The following RPGRIP1 variants were observed in gnomAD, a reference collection of about 807,000 sequenced individuals.
RPGRIP1 encodes X-linked retinitis pigmentosa GTPase regulator-interacting protein 1.
RPGRIP1 carries 128 observed loss-of-function variants against 157.9 expected under a neutral mutation model. That is an observed-to-expected ratio of 0.81 (90% confidence interval 0.70 to 0.94). The LOEUF is 0.94. RPGRIP1 is among the 40% of genes least tolerant of loss of function. The pLI is 0.00. For missense variants in RPGRIP1, 1,486 were observed against 1,545.8 expected, an observed-to-expected ratio of 0.96 and a Z score of 0.65; for synonymous variants, 554 against 571.6, an observed-to-expected ratio of 0.97 and a Z score of 0.44.
rs535672539 is a variant in RPGRIP1, at chr14:21,314,244, G to A, written c.1151+1738G>A. 4.1e-4 allele frequency among the ~76,000 whole-genome samples: 63 copies of A among 151,822 alleles called. 2 individuals carry two copies. In the South Asian group the frequency reaches 0.013, roughly 31 times the overall value. On this transcript the variant is annotated intron_variant, in intron 10 of 24. Coordinates refer to ENST00000400017, the MANE Select transcript of RPGRIP1 (RefSeq NM_020366.4). ...ACCACAGCCACACGCCACCACACCCGGCTAATAGTTTCTATATTGTGCAGA... is the reference window on the plus strand; with the variant it reads ...ACCACAGCCACACGCCACCACACCCAGCTAATAGTTTCTATATTGTGCAGA...
intron 12 of RPGRIP1, 73 bp from the exon 13 acceptor site, chr14:21,321,186 G>C: frequency 2.0e-6 from 3 of 1,483,868 alleles, no homozygotes; most frequent in Non-Finnish European, 2.7e-6. Context: ...ACCAACAACT[G>C]TTTTATGGAG....
chr14:21,286,447 T>G (rs189969051), intron 1 of RPGRIP1, among the ~76,000 whole-genome samples: 1 of 150,886 alleles, frequency 6.6e-6, no homozygotes, highest in South Asian at 2.1e-4. Flanking sequence ...AAATTCCTGT[T>G]GGGGAAAAGT....
At chr14:21,315,800 A>T (rs1359345354) in intron 10 of RPGRIP1, among the ~76,000 whole-genome samples, 47 of 143,904 alleles carry the variant, frequency 3.3e-4, no homozygotes, top group African/African-American at 1.0e-3. Flanking sequence ...TATTATTATT[A>T]TTATTATTTT....
chr14:21,303,709 G>A (rs772275764), intron 6 of RPGRIP1, among the ~76,000 whole-genome samples, 166 bp downstream of exon 6: 7 of 152,172 alleles, frequency 4.6e-5, no homozygotes, highest in Middle Eastern at 3.4e-3. Context: ...ATTAACCTGC[G>A]GGCACCATGG....
chr14:21,335,046 C>CAAAAAAAAAAAA (rs869065591), intron 21 of RPGRIP1, among the ~76,000 whole-genome samples: 4 of 28,052 alleles, frequency 1.4e-4, no homozygotes, highest in Admixed American at 3.8e-4. Flanking sequence ...AACTCTGTCT[C>CAAAAAAAAAAAA]AAAAAAAAAA....
At chr14:21,323,103 G>A (rs1168765403) in intron 14 of RPGRIP1, among the ~76,000 whole-genome samples, 1 of 152,100 alleles carries the variant, frequency 6.6e-6, no homozygotes, top group Non-Finnish European at 1.5e-5. Context: ...TCAGTAAGTA[G>A]GTTTCTTAGT....
chr14:21,316,562 A>G (rs1446369185), intron 10 of RPGRIP1, among the ~76,000 whole-genome samples: 1 of 150,724 alleles, frequency 6.6e-6, no homozygotes, highest in East Asian at 2.0e-4. Flanking sequence ...GATTACAGGC[A>G]CCTGCCACCA....
Position 21,324,909 on chromosome 14 carries a change from A to G in RPGRIP1, c.2054A>G (p.Glu685Gly), listed in dbSNP as rs758603764. The change falls in exon 15 of 25, where the codon GAG (glutamate) becomes GGG (glycine). Residue 685 changes from glutamate (E) to glycine (G), a missense_variant. By Grantham distance (98) the Glu-to-Gly change is moderately conservative. Transcript: ENST00000400017. ...LYDFTSQYVM[E>G]TDSLFLHYLQ... ...GACTTCACCTCCCAGTATGTGATGGAGACAGATTCGCTTTTCTTACACTAC... is the reference window on the plus strand; with the variant it reads ...GACTTCACCTCCCAGTATGTGATGGGGACAGATTCGCTTTTCTTACACTAC... The G allele has an allele frequency of 2.5e-6, 4 of 1,614,018 alleles. No individual in the cohort carries two copies. The Admixed American group carries it at 6.7e-5, about 27-fold the overall frequency.
intron 6 of RPGRIP1, among the ~76,000 whole-genome samples, chr14:21,306,054 T>G (rs572133610): frequency 6.8e-6 from 1 of 146,524 alleles, no homozygotes; most frequent in African/African-American, 2.5e-5. Flanking sequence ...CCCCAGTATC[T>G]CTTTCAATCT....
intron 4 of RPGRIP1, 57 bp from the exon 5 acceptor site, chr14:21,302,424 TTCAGTAC>T: frequency 1.2e-6 from 1 of 842,062 alleles, no homozygotes; most frequent in Non-Finnish European, 1.7e-6. Context: ...ATGTTCCAGT[TTCAGTAC>T]TTGGTGTTCC....
intron 21 of RPGRIP1, among the ~76,000 whole-genome samples, chr14:21,335,666 T>TA (rs1884280060): frequency 6.6e-6 from 1 of 152,110 alleles, no homozygotes; most frequent in African/African-American, 2.4e-5. Flanking sequence ...CCGTCTCTAC[T>TA]AAAAATACAA....
At chr14:21,283,184 A>G (rs527825263) in intron 1 of RPGRIP1, among the ~76,000 whole-genome samples, 48 of 152,328 alleles carry the variant, frequency 3.2e-4, no homozygotes, top group African/African-American at 1.1e-3. Flanking sequence ...CTTCAGGTCC[A>G]GAGGACCAAG....
chr14:21,297,672 G>A (rs1594169954), intron 3 of RPGRIP1, among the ~76,000 whole-genome samples: 3 of 152,194 alleles, frequency 2.0e-5, no homozygotes, highest in Admixed American at 2.0e-4. Flanking sequence ...CACACCAGGG[G>A]AACTAAAGGC....
At chr14:21,343,468 C>G (rs1160814862) in intron 22 of RPGRIP1, among the ~76,000 whole-genome samples, 1 of 152,068 alleles carries the variant, frequency 6.6e-6, no homozygotes, top group African/African-American at 2.4e-5. Flanking sequence ...TTCCTCAATC[C>G]ACGGCTTCCC....
rs534044244 is a variant in RPGRIP1 at position 21,341,738 on chromosome 14, C to T, written c.3340-1298C>T. Reference sequence around the variant, plus strand: ...AAAAGAAAGGACAGGGTGATGGCAGCGACTGTGAAGTGGGATTGAAAATAT... The same window carrying T: ...AAAAGAAAGGACAGGGTGATGGCAGTGACTGTGAAGTGGGATTGAAAATAT... On this transcript the variant is annotated intron_variant, in intron 21 of 24. Transcript: ENST00000400017. Among the ~76,000 whole-genome samples the T allele has an allele frequency of 2.6e-5, 4 of 152,150 alleles. No homozygotes were observed. The East Asian group carries it at 7.7e-4, about 29-fold the overall frequency.
chr14:21,333,802 C>T (rs1884035513), intron 20 of RPGRIP1, among the ~76,000 whole-genome samples: 1 of 152,036 alleles, frequency 6.6e-6, no homozygotes, highest in Non-Finnish European at 1.5e-5. Flanking sequence ...TTGAGACAGT[C>T]CAAAAGATCC....
intron 2 of RPGRIP1, among the ~76,000 whole-genome samples, chr14:21,293,838 C>T (rs1202541965): frequency 1.3e-5 from 2 of 151,686 alleles, no homozygotes; most frequent in Non-Finnish European, 2.9e-5. Flanking sequence ...GAGATGGCGC[C>T]ACTGCACTCC....
At position 21,327,637 on chromosome 14, in the gene RPGRIP1, A is replaced by G. The variant is rs759254680; in HGVS notation, c.2725A>G (p.Thr909Ala). 120 of 1,613,850 alleles carry G rather than the reference A, an allele frequency of 7.4e-5. No individual in the cohort carries two copies. The highest frequency in any genetic ancestry group is 2.0e-4 in the Admixed American group (12 of 60,004). The change falls in exon 18 of 25, where the codon ACT becomes GCT. Residue 909 changes from threonine to alanine, a missense_variant. Physicochemically the swap from Thr to Ala is moderately conservative, Grantham distance 58. Transcript: ENST00000400017. ...NESIKGDFNL[T>A]DPAEKPNGSI... ...TTGTTTCTCAGGTGATTTTAACCTC[A>G]CTGACCCTGCAGAGAAACCCAACGG...
At chr14:21,294,633 T>G in intron 2 of RPGRIP1, 44 bp from the exon 3 acceptor site, 1 of 1,597,712 alleles carries the variant, frequency 6.3e-7, no homozygotes, top group Middle Eastern at 1.7e-4. Flanking sequence ...GTTCAAAAAA[T>G]AGGTGTAAAA....
Sources: allele counts gnomAD v4.1 joint callset (sites outside exome capture counted in the v4.1 genomes callset), GRCh38; gene constraint gnomAD v4.1.1; transcripts MANE v1.5; gene names NCBI Gene and HGNC (gene_info 2026-07-23, HGNC 2026-07-21).